The following TSPAN14 variants were observed in gnomAD, a reference collection of about 807,000 sequenced individuals.
TSPAN14 encodes tetraspanin 14.
TSPAN14 carries 16 observed loss-of-function variants against 36.6 expected under a neutral mutation model. The ratio of observed to expected loss-of-function variants is 0.44; its 90% CI spans 0.30 to 0.66. The LOEUF (loss-of-function observed/expected upper bound fraction) is 0.66. Among genes scored for constraint, TSPAN14 ranks in the 30% least tolerant of loss-of-function variants. TSPAN14 has a pLI of 0.12. For missense variants in TSPAN14, 231 were observed against 355.1 expected (o/e 0.65, Z 2.81); for synonymous variants, 139 against 143.8 (o/e 0.97, Z 0.24).
intron 1 of TSPAN14, among the ~76,000 whole-genome samples, chr10:80,477,765 G>A (rs1049758608): frequency 5.9e-5 from 9 of 152,118 alleles, no homozygotes; most frequent in African/African-American, 1.7e-4. Flanking sequence ...GGGCCCAGGA[G>A]CCTCCAGGTA....
intron 2 of TSPAN14, among the ~76,000 whole-genome samples, chr10:80,501,109 T>G (rs1363509038): frequency 2.0e-5 from 3 of 152,016 alleles, no homozygotes; most frequent in African/African-American, 7.2e-5. Flanking sequence ...GACGCTGTTT[T>G]TTTTTTTTTT....
At chr10:80,494,651 T>G (rs1268808916) in intron 2 of TSPAN14, among the ~76,000 whole-genome samples, 1 of 152,210 alleles carries the variant, frequency 6.6e-6, no homozygotes, top group Non-Finnish European at 1.5e-5. Context: ...AAAATTGCCC[T>G]TATTTGAGCT....
At chr10:80,507,142 T>C in intron 3 of TSPAN14, 86 bp from the exon 4 acceptor site, 2 of 1,539,372 alleles carry the variant, frequency 1.3e-6, no homozygotes, top group Non-Finnish European at 1.8e-6. Context: ...CAAGTCCCTG[T>C]TTTCAGTACC....
intron 1 of TSPAN14, among the ~76,000 whole-genome samples, chr10:80,486,255 T>A (rs1351215942): frequency 6.6e-6 from 1 of 152,258 alleles, no homozygotes; most frequent in African/African-American, 2.4e-5. Context: ...TCCAGAGCGC[T>A]GGCCTTCCTG....
At chr10:80,485,904 G>A (rs943480458) in intron 1 of TSPAN14, among the ~76,000 whole-genome samples, 1 of 152,200 alleles carries the variant, frequency 6.6e-6, no homozygotes, top group Non-Finnish European at 1.5e-5. Flanking sequence ...TACAAAAATG[G>A]CCAAAAATGG....
chr10:80,468,290 G>T (rs78741889), intron 1 of TSPAN14, among the ~76,000 whole-genome samples: 1 of 152,072 alleles, frequency 6.6e-6, no homozygotes, highest in African/African-American at 2.4e-5. Context: ...TGTTTCTGCC[G>T]GCACGAACAC....
chr10:80,465,676 AAGAG>A (rs1048430150), intron 1 of TSPAN14, among the ~76,000 whole-genome samples: 1 of 152,186 alleles, frequency 6.6e-6, no homozygotes, highest in African/African-American at 2.4e-5. Flanking sequence ...GTGCACACTA[AAGAG>A]AGAGAGAGTT....
chr10:80,504,677 A>C lies in TSPAN14; in HGVS notation c.82-51A>C, dbSNP rs1428935655. On this transcript the variant is annotated intron_variant, in intron 2 of 8. Coordinates refer to ENST00000429989, the Ensembl canonical transcript of TSPAN14. ...ACTTTGCTCTGTGAAGCATGTTCACAGTGCTGGTTTCCAACCTAACTTCCT... is the reference window on the plus strand; with the variant it reads ...ACTTTGCTCTGTGAAGCATGTTCACCGTGCTGGTTTCCAACCTAACTTCCT... 7 of 1,609,878 alleles carry C rather than the reference A, an allele frequency of 4.3e-6. No homozygotes were observed. The South Asian group carries it at 6.6e-5, about 15-fold the overall frequency.
At chr10:80,490,889 A>G (rs1229939695) in intron 2 of TSPAN14, among the ~76,000 whole-genome samples, 1 of 152,174 alleles carries the variant, frequency 6.6e-6, no homozygotes, top group Admixed American at 6.5e-5. Context: ...AGAGTCTTTG[A>G]AAACCATTAA....
At chr10:80,482,432 G>A (rs1176290214) in intron 1 of TSPAN14, among the ~76,000 whole-genome samples, 3 of 150,854 alleles carry the variant, frequency 2.0e-5, no homozygotes, top group South Asian at 2.1e-4. Flanking sequence ...GATTACAGGC[G>A]CCCGCCACCA....
intron 1 of TSPAN14, among the ~76,000 whole-genome samples, chr10:80,486,638 C>T (rs1372556911): frequency 6.6e-6 from 1 of 152,212 alleles, no homozygotes; most frequent in Non-Finnish European, 1.5e-5. Context: ...GTTCCTGAGG[C>T]CCAGCTCCCT....
chr10:80,486,605 A>G (rs573730035), intron 1 of TSPAN14, among the ~76,000 whole-genome samples: 2 of 152,296 alleles, frequency 1.3e-5, no homozygotes, highest in East Asian at 1.9e-4. Context: ...ATTGGATTCC[A>G]TGGCTCGCAC....
intron 2 of TSPAN14, among the ~76,000 whole-genome samples, chr10:80,492,795 G>C (rs1016339704): frequency 6.6e-6 from 1 of 151,564 alleles, no homozygotes; most frequent in Non-Finnish European, 1.5e-5. Context: ...CAGCCTGGGC[G>C]ACAGAGCGAG....
chr10:80,497,388 GT>G (rs1848255726), intron 2 of TSPAN14, among the ~76,000 whole-genome samples: 2 of 152,178 alleles, frequency 1.3e-5, no homozygotes, highest in Non-Finnish European at 2.9e-5. Flanking sequence ...CCTTCCGCCT[GT>G]TTTTACACAT....
intron 2 of TSPAN14, among the ~76,000 whole-genome samples, chr10:80,497,631 C>T (rs1675925244): frequency 6.6e-6 from 1 of 152,208 alleles, no homozygotes; most frequent in Non-Finnish European, 1.5e-5. Flanking sequence ...GGGGTTCCCT[C>T]TCTCCTGGGG....
intron 2 of TSPAN14, among the ~76,000 whole-genome samples, chr10:80,501,093 G>A (rs895836224): frequency 2.0e-5 from 3 of 147,664 alleles, no homozygotes; most frequent in African/African-American, 7.6e-5. Context: ...TAATATAGAT[G>A]GAACTGACGC....
At chr10:80,489,168 G>T (rs1469563415) in intron 1 of TSPAN14, 49 bp from the exon 2 acceptor site, 10 of 1,291,556 alleles carry the variant, frequency 7.7e-6, no homozygotes, top group Non-Finnish European at 1.1e-5. Context: ...TTGGGGGAAA[G>T]GTTTTAACGC....
At position 80,469,853 on chromosome 10, in the gene TSPAN14, A is replaced by C. The variant is rs114258893; in HGVS notation, c.-18+15482A>C. 8.7e-3 allele frequency among the ~76,000 whole-genome samples: 1,326 copies of C among 152,066 alleles called. 15 individuals carry two copies. The highest frequency in any genetic ancestry group is 0.031 in the African/African-American group (1,274 of 41,464). On this transcript the variant is annotated intron_variant, in intron 1 of 8. Transcript: ENST00000429989. ...CTGGAAAGTGTCCCACCCTAGACTC[A>C]GAAGTTTTCCAGATTGCCGTCCTTT...
At chr10:80,475,244 T>C (rs2131981148) in intron 1 of TSPAN14, among the ~76,000 whole-genome samples, 1 of 152,274 alleles carries the variant, frequency 6.6e-6, no homozygotes, top group Non-Finnish European at 1.5e-5. Context: ...AATCTGGCAA[T>C]AGGACAGATA....
Sources: gnomAD v4.1 joint callset for allele counts (sites outside exome capture counted in the v4.1 genomes callset) on GRCh38, gnomAD v4.1.1 for gene constraint, MANE v1.5 for transcripts, NCBI Gene and HGNC (gene_info 2026-07-23, HGNC 2026-07-21) for gene names.